LBR: variants seen among roughly 807,000 people sequenced by gnomAD.
LBR encodes lamin B receptor, also known as delta(14)-sterol reductase LBR.
A neutral mutation model predicts 74.3 loss-of-function variants in LBR; 28 were observed. The ratio of observed to expected loss-of-function variants is 0.38; its 90% CI spans 0.28 to 0.52. The LOEUF is 0.52. LBR is among the 20% of genes least tolerant of loss of function. LBR has a pLI of 0.89. For missense variants in LBR, 717 were observed against 760.3 expected, an observed-to-expected ratio of 0.94 and a Z score of 0.67; for synonymous variants, 228 against 269.3, an observed-to-expected ratio of 0.85 and a Z score of 1.50.
At chr1:225,409,594 T>G (rs1439156684) in intron 10 of LBR, among the ~76,000 whole-genome samples, 1 of 152,092 alleles carries the variant, frequency 6.6e-6, no homozygotes, top group South Asian at 2.1e-4. Flanking sequence ...GTTTTTAATA[T>G]GGAAAGAAAA....
At chr1:225,421,415 C>A (rs1167828581) in intron 3 of LBR, among the ~76,000 whole-genome samples, 1 of 152,212 alleles carries the variant, frequency 6.6e-6, no homozygotes, top group Non-Finnish European at 1.5e-5. Flanking sequence ...ATGGCGTGAA[C>A]CCAGGAGGCG....
chr1:225,420,131 A>G (rs2096125003), intron 3 of LBR, among the ~76,000 whole-genome samples: 1 of 152,236 alleles, frequency 6.6e-6, no homozygotes, highest in African/African-American at 2.4e-5. Flanking sequence ...AACATGGTGA[A>G]ACCCTGTCTC....
At chr1:225,422,345 G>C (rs2096129251) in intron 2 of LBR, 68 bp from the exon 3 acceptor site, 7 of 1,288,794 alleles carry the variant, frequency 5.4e-6, no homozygotes, top group South Asian at 2.5e-5. Flanking sequence ...ACCCACACTA[G>C]AAGAGGATAA....
In LBR at chr1:225,403,300, G is replaced by A; in HGVS notation, c.*3C>T. 5 of 1,613,380 alleles carry A rather than the reference G, an allele frequency of 3.1e-6. No homozygotes were observed. Among genetic ancestry groups the A allele is most frequent in the Non-Finnish European group, 4.2e-6 (5 of 1,179,460 alleles). On this transcript the variant is annotated 3_prime_UTR_variant, in exon 14 of 14. Coordinates refer to ENST00000272163, the MANE Select transcript of LBR (RefSeq NM_002296.4). ...AGTATTTTGTAGAAAAGCCAGAAGA[G>A]CATTAGTAGATGTATGGAAATATAC...
chr1:225,424,173 A>G (rs2096134584), intron 1 of LBR, 84 bp from the exon 2 acceptor site: 4 of 1,049,408 alleles, frequency 3.8e-6, no homozygotes, highest in Non-Finnish European at 6.0e-6. Flanking sequence ...TCACTAAAAT[A>G]CAACTTTCCA....
intron 9 of LBR, 52 bp from the exon 10 acceptor site, chr1:225,410,468 T>C (rs756685612): frequency 2.5e-6 from 4 of 1,595,584 alleles, no homozygotes; most frequent in East Asian, 2.2e-5. Context: ...CCAGAGACCT[T>C]AGCACTACAA....
rs1396175975 is a variant in LBR at position 225,403,273 on chromosome 1, G to A, written c.*30C>T. ...TTTGCAAATGGCAGCTGGAATTGCA[G>A]GAGTATTTTGTAGAAAAGCCAGAAG... On this transcript the variant is annotated 3_prime_UTR_variant, in exon 14 of 14. Coordinates refer to ENST00000272163, the MANE Select transcript of LBR (RefSeq NM_002296.4). 6.2e-7 allele frequency: 1 copy of A among 1,606,652 alleles called. No homozygotes were observed. Among genetic ancestry groups the A allele is most frequent in the South Asian group, 1.1e-5 (1 of 90,924 alleles).
At chr1:225,405,075 T>A (rs2096088623) in intron 11 of LBR, among the ~76,000 whole-genome samples, 1 of 152,192 alleles carries the variant, frequency 6.6e-6, no homozygotes, top group African/African-American at 2.4e-5. Flanking sequence ...TACAATAAAA[T>A]CAATACTAGA....
intron 11 of LBR, 37 bp downstream of exon 11, chr1:225,406,627 T>A: frequency 6.4e-7 from 1 of 1,572,322 alleles, no homozygotes; most frequent in Non-Finnish European, 8.7e-7. Context: ...GTACATAATA[T>A]TTAATAAATT....
At position 225,427,165 on chromosome 1, in the gene LBR, G is replaced by A. The variant is rs186050023; in HGVS notation, c.-15+789C>T. On this transcript the variant is annotated intron_variant, in intron 1 of 13. Coordinates refer to ENST00000272163, the MANE Select transcript of LBR (RefSeq NM_002296.4). Reference sequence around the variant, plus strand: ...CGACCGGGCCCCGTAATCACTCTGGGAAAGCGCCTTCAACAAAGCCCTCCG... The same window carrying A: ...CGACCGGGCCCCGTAATCACTCTGGAAAAGCGCCTTCAACAAAGCCCTCCG... 1.3e-3 allele frequency among the ~76,000 whole-genome samples: 205 copies of A among 152,268 alleles called. 1 individual carries two copies. The highest frequency in any genetic ancestry group is 4.8e-3 in the African/African-American group (201 of 41,560).
Position 225,412,543 on chromosome 1 carries a change from G to A in LBR, c.995C>T (p.Ala332Val), listed in dbSNP as rs141647564. ...VYSHFLQFALAATVFCVVLSV... is the reference protein window; with the variant it reads ...VYSHFLQFALVATVFCVVLSV... The stretch of plus-strand genomic sequence containing the variant: ...CAAGACCACACAAAAAACAGTGGCC[G>A]CAAGTGCAAACTGAAGAAAATGACT... The change falls in exon 8 of 14, where the codon GCG becomes GTG. Residue 332 changes from alanine (A) to valine (V), a missense_variant. By Grantham distance (64) the Ala-to-Val change is moderately conservative. Transcript: ENST00000272163. 5.3e-4 allele frequency: 862 copies of A among 1,613,694 alleles called. 3 individuals carry two copies. The African/African-American group carries it at 0.01, about 20-fold the overall frequency.
Position 225,404,508 on chromosome 1 carries a change from G to C in LBR, c.1583C>G (p.Thr528Ser). Residue 528 changes from threonine to serine, a missense_variant, in exon 13 of 14, where the codon ACT becomes AGT. Coordinates refer to ENST00000272163, the MANE Select transcript of LBR (RefSeq NM_002296.4). The stretch of plus-strand genomic sequence containing the variant: ...AACTAGAAGATTTTTTCCCGTTGAA[G>C]TATGAATGGTTTTTAAATCTATATA... ...PKLAHLKTIH[T>S]STGKNLLVSG... 6.2e-7 allele frequency: 1 copy of C among 1,612,122 alleles called. No homozygotes were observed. The highest frequency in any genetic ancestry group is 1.7e-5 in the Admixed American group (1 of 59,962).
chr1:225,413,394 T>C (rs2096110314), intron 7 of LBR, among the ~76,000 whole-genome samples: 1 of 152,240 alleles, frequency 6.6e-6, no homozygotes, highest in African/African-American at 2.4e-5. Flanking sequence ...TTTTTTCTTT[T>C]GGCTAAAGAA....
In LBR at chr1:225,419,288, C is replaced by T; in HGVS notation, c.615G>A (p.Lys205=). Residue 205 remains lysine, a synonymous_variant, in exon 5 of 14, where the codon AAG becomes AAA. Coordinates refer to ENST00000272163, the MANE Select transcript of LBR (RefSeq NM_002296.4). ...RTFEVTPIRA[K]DLEFGGVPGV... ...CAGGTACTCCTCCAAACTCCAAGTC[C>T]TTTGCCCGGATGGGGGTCACTTCAA... is the stretch of plus-strand genomic sequence containing the variant. 25 of 1,614,228 alleles carry T rather than the reference C, an allele frequency of 1.5e-5. No individual in the cohort carries two copies. The highest frequency in any genetic ancestry group is 2.0e-5 in the Non-Finnish European group (24 of 1,180,040).
intron 7 of LBR, among the ~76,000 whole-genome samples, chr1:225,412,879 T>C (rs2096109135): frequency 6.6e-6 from 1 of 152,236 alleles, no homozygotes; most frequent in African/African-American, 2.4e-5. Flanking sequence ...TCTTTTTCAG[T>C]TCAAATGGTC....
At position 225,412,589 on chromosome 1, in the gene LBR, C is replaced by T. The variant is rs532068854; in HGVS notation, c.949G>A (p.Val317Ile). 110 of 1,612,736 alleles carry T rather than the reference C, an allele frequency of 6.8e-5. 1 individual carries two copies. In the South Asian group the frequency reaches 8.8e-4, roughly 13 times the overall value. Reference protein sequence around the residue: ...AVIGTSLFQGVEFHYVYSHFL... With the variant: ...AVIGTSLFQGIEFHYVYSHFL... ...TGACTGTACACGTAATGAAACTCTACGCCCTGGAAGAGAGATGTTCCGATG... is the reference window on the plus strand; with the variant it reads ...TGACTGTACACGTAATGAAACTCTATGCCCTGGAAGAGAGATGTTCCGATG... The change falls in exon 8 of 14, where the codon GTA becomes ATA. Residue 317 changes from valine to isoleucine, a missense_variant. Physicochemically the swap from Val to Ile is conservative, Grantham distance 29. Coordinates refer to ENST00000272163, the MANE Select transcript of LBR (RefSeq NM_002296.4).
chr1:225,405,233 A>G (rs1007829517), intron 11 of LBR, among the ~76,000 whole-genome samples: 19 of 152,230 alleles, frequency 1.2e-4, no homozygotes, highest in Admixed American at 2.0e-4. Flanking sequence ...CTTTAAGTCT[A>G]TAAGTTCCTA....
chr1:225,427,655 C>G (rs1224168681), intron 1 of LBR: 2 of 152,360 alleles, frequency 1.3e-5, no homozygotes, highest in African/African-American at 4.8e-5. Context: ...CCGCGCCGCG[C>G]CGCCAACATG....
In LBR at chr1:225,403,350, T is replaced by C; in HGVS notation, c.1801A>G (p.Lys601Glu). The C allele has an allele frequency of 1.2e-6, 2 of 1,613,630 alleles. No individual in the cohort carries two copies. The highest frequency in any genetic ancestry group is 1.7e-6 in the Non-Finnish European group (2 of 1,179,980). Residue 601 changes from lysine to glutamate, a missense_variant, in exon 14 of 14, where the codon AAG becomes GAG. By Grantham distance (56) the Lys-to-Glu change is moderately conservative. Transcript: ENST00000272163. ...CKKKYGVAWE[K>E]YCQRVPYRIF... ...CGGTAGGGCACACGCTGACAGTACT[T>C]TTCCCAAGCCACGCCGTATTTCTTC...
Sources: allele counts gnomAD v4.1 joint callset (sites outside exome capture counted in the v4.1 genomes callset), GRCh38; gene constraint gnomAD v4.1.1; transcripts MANE v1.5; gene names NCBI Gene and HGNC (gene_info 2026-07-23, HGNC 2026-07-21).